Variants in GALNT17 observed in about 807,000 individuals in gnomAD.
The protein encoded by GALNT17 is UDP-GalNAc:polypeptide N-acetylgalactosaminyltransferase-like 3.
In GALNT17, 29 loss-of-function variants were observed where a neutral mutation model predicts 63.7. That is an observed-to-expected ratio of 0.46 (90% CI 0.34 to 0.62). The LOEUF is 0.62. Ranked by LOEUF, GALNT17 falls within the 20% of genes least tolerant of loss-of-function variation. GALNT17 has a pLI of 0.01. For synonymous variants in GALNT17, 305 were observed against 318.3 expected, an observed-to-expected ratio of 0.96 and a Z score of 0.45; for missense variants, 603 against 799.6, an observed-to-expected ratio of 0.75 and a Z score of 2.97.
chr7:71,551,767 A>G (rs1361986196), intron 5 of GALNT17, among the ~76,000 whole-genome samples: 1 of 102,926 alleles, frequency 9.7e-6, no homozygotes. Context: ...CAAAAAAAAA[A>G]AAAAAAGAGA....
chr7:71,229,946 G>A (rs1328901570), intron 1 of GALNT17, among the ~76,000 whole-genome samples: 1 of 152,196 alleles, frequency 6.6e-6, no homozygotes, highest in South Asian at 2.1e-4. Flanking sequence ...TGTTTGCTTG[G>A]CTTGAGCTGC....
chr7:71,477,370 G>GTGAGA lies in GALNT17; in HGVS notation c.962+56266_962+56270dup, dbSNP rs556468681. Among the ~76,000 whole-genome samples, 18 of 152,314 alleles carry GTGAGA rather than the reference G, an allele frequency of 1.2e-4. 1 individual carries two copies. Among genetic ancestry groups the GTGAGA allele is most frequent in the Middle Eastern group, 3.4e-3 (1 of 294 alleles). On this transcript the variant is annotated intron_variant, in intron 5 of 10. Coordinates refer to ENST00000333538, the MANE Select transcript of GALNT17 (RefSeq NM_022479.3). ...GAGGTTGGTGTTTTCACCGTTAGCTGTGAGAGTGCAAAGGCATAAGATGTT... is the reference window on the plus strand; with the variant it reads ...GAGGTTGGTGTTTTCACCGTTAGCTGTGAGATGAGAGTGCAAAGGCATAAGATGTT...
chr7:71,653,035 T>A (rs1328326318), intron 6 of GALNT17, among the ~76,000 whole-genome samples: 2 of 151,934 alleles, frequency 1.3e-5, no homozygotes, highest in East Asian at 3.9e-4. Context: ...TTTGTTTTTT[T>A]TGACAGAGTC....
At chr7:71,399,480 T>C (rs1793202253) in intron 3 of GALNT17, among the ~76,000 whole-genome samples, 1 of 152,216 alleles carries the variant, frequency 6.6e-6, no homozygotes, top group Non-Finnish European at 1.5e-5. Context: ...AACCCTCTGA[T>C]TCTGCGTTCT....
At chr7:71,556,069 C>T (rs1182762443) in intron 5 of GALNT17, among the ~76,000 whole-genome samples, 1 of 152,204 alleles carries the variant, frequency 6.6e-6, no homozygotes, top group East Asian at 1.9e-4. Flanking sequence ...ATAGAAAAAG[C>T]CCATTCATAA....
intron 1 of GALNT17, among the ~76,000 whole-genome samples, chr7:71,193,903 C>A: frequency 6.6e-6 from 1 of 152,194 alleles, no homozygotes; most frequent in South Asian, 2.1e-4. Flanking sequence ...TACTCTCTTT[C>A]GGGGCGTATT....
chr7:71,324,399 C>G (rs1791668484), intron 1 of GALNT17, among the ~76,000 whole-genome samples: 1 of 152,064 alleles, frequency 6.6e-6, no homozygotes, highest in South Asian at 2.1e-4. Context: ...ACCTGTAATC[C>G]TAACACTTTG....
At chr7:71,383,769 C>T (rs1381566914) in intron 2 of GALNT17, among the ~76,000 whole-genome samples, 1 of 152,022 alleles carries the variant, frequency 6.6e-6, no homozygotes, top group Non-Finnish European at 1.5e-5. Flanking sequence ...GGGATTTTTT[C>T]CCTCTGTGGT....
chr7:71,516,306 G>A (rs1788444172), intron 5 of GALNT17, among the ~76,000 whole-genome samples: 1 of 152,150 alleles, frequency 6.6e-6, no homozygotes, highest in Non-Finnish European at 1.5e-5. Flanking sequence ...TTGGCATAGT[G>A]AGAATGTATT....
intron 5 of GALNT17, among the ~76,000 whole-genome samples, chr7:71,423,984 G>A (rs1034365361): frequency 1.3e-5 from 2 of 152,132 alleles, no homozygotes; most frequent in Admixed American, 1.3e-4. Flanking sequence ...GACACCAAAA[G>A]CTGAAAAATA....
At chr7:71,385,386 G>A (rs1385867332) in intron 2 of GALNT17, among the ~76,000 whole-genome samples, 1 of 152,184 alleles carries the variant, frequency 6.6e-6, no homozygotes, top group East Asian at 1.9e-4. Flanking sequence ...CTGTGCCCCT[G>A]CCCTGAGGGA....
chr7:71,528,645 ACATCACATT>A (rs1234589586), intron 5 of GALNT17, among the ~76,000 whole-genome samples: 2 of 152,208 alleles, frequency 1.3e-5, no homozygotes, highest in Non-Finnish European at 2.9e-5. Flanking sequence ...AATGTGGTCT[ACATCACATT>A]CATCATATCC....
chr7:71,521,988 C>T (rs1349546373), intron 5 of GALNT17, among the ~76,000 whole-genome samples: 2 of 152,060 alleles, frequency 1.3e-5, no homozygotes, highest in Non-Finnish European at 2.9e-5. Flanking sequence ...TTTTTACAAA[C>T]AAAAATATCA....
rs1485374340 is a variant in GALNT17 at position 71,665,572 on chromosome 7, CAT to C, written c.1244_1245del (p.Ile415SerfsTer12). 1 of 1,613,718 alleles carries C rather than the reference CAT, an allele frequency of 6.2e-7. No individual in the cohort carries two copies. Among genetic ancestry groups the C allele is most frequent in the African/African-American group, 1.3e-5 (1 of 74,904 alleles). Reference sequence around the variant, plus strand: ...TGGACGATTACAAGTCTCATGTGTACATAGCGTGGAACCTGCCGCTGGAGGTA... The same window carrying C: ...TGGACGATTACAAGTCTCATGTGTACAGCGTGGAACCTGCCGCTGGAGGTA... Reference protein sequence around the residue: ...WMDDYKSHVYIAWNLPLENPG... With the variant: ...WMDDYKSHVYXAWNLPLENPG... On this transcript the variant is annotated frameshift_variant, in exon 7 of 11. Transcript: ENST00000333538. LOFTEE classifies it high-confidence loss of function.
intron 1 of GALNT17, among the ~76,000 whole-genome samples, chr7:71,235,388 G>A (rs1250792633): frequency 2.0e-5 from 3 of 152,074 alleles, no homozygotes; most frequent in African/African-American, 4.8e-5. Context: ...TACTGCCACC[G>A]AATTTCATTT....
chr7:71,704,046 G>C (rs1456213298), intron 9 of GALNT17, among the ~76,000 whole-genome samples: 1 of 152,108 alleles, frequency 6.6e-6, no homozygotes, highest in Non-Finnish European at 1.5e-5. Flanking sequence ...AAGATGAGAA[G>C]GGCCCAGGCA....
chr7:71,332,491 G>A (rs920861756), intron 1 of GALNT17, among the ~76,000 whole-genome samples: 1 of 152,064 alleles, frequency 6.6e-6, no homozygotes, highest in Non-Finnish European at 1.5e-5. Context: ...AACTTACCTT[G>A]AGGAGTTTCC....
At chr7:71,159,579 A>G (rs566378006) in intron 1 of GALNT17, among the ~76,000 whole-genome samples, 1 of 149,966 alleles carries the variant, frequency 6.7e-6, no homozygotes, top group Admixed American at 6.7e-5. Context: ...CACAGCTGGC[A>G]TGAAGAGGTT....
intron 1 of GALNT17, among the ~76,000 whole-genome samples, chr7:71,164,914 A>T (rs971536109): frequency 5.3e-5 from 8 of 152,198 alleles, no homozygotes; most frequent in Non-Finnish European, 1.0e-4. Context: ...CTTCTCTAAG[A>T]AGCCTGTTTT....
Sources: allele counts gnomAD v4.1 joint callset (sites outside exome capture counted in the v4.1 genomes callset), GRCh38; gene constraint gnomAD v4.1.1; transcripts MANE v1.5; gene names NCBI Gene and HGNC (gene_info 2026-07-23, HGNC 2026-07-21).